Variants in AIDA observed in about 807,000 individuals in gnomAD.
AIDA encodes the protein axin interactor, dorsalization associated.
In AIDA, 18 loss-of-function variants were observed where a neutral mutation model predicts 42.7. The observed-to-expected ratio is 0.42, with a 90% CI of 0.29 to 0.63. The LOEUF is 0.63. AIDA is among the 20% of genes least tolerant of loss of function. The pLI, the probability that AIDA is intolerant of heterozygous loss-of-function variation, is 0.19. For missense variants in AIDA, 250 were observed against 354.1 expected (o/e 0.71, Z 2.36); for synonymous variants, 104 against 122.9 (o/e 0.85, Z 1.02).
At chr1:222,689,074 T>TA (rs924880046) in intron 4 of AIDA, among the ~76,000 whole-genome samples, 3 of 151,390 alleles carry the variant, frequency 2.0e-5, no homozygotes, top group Non-Finnish European at 2.9e-5. Flanking sequence ...TCTTAGTTGT[T>TA]AAAAAAAAGT....
chr1:222,680,787 A>G (rs1055728026), intron 6 of AIDA, among the ~76,000 whole-genome samples: 2 of 152,010 alleles, frequency 1.3e-5, no homozygotes, highest in Non-Finnish European at 2.9e-5. Flanking sequence ...TTTCTAAAGT[A>G]ATGTTCACTT....
At chr1:222,710,608 T>C (rs1655973418) in intron 1 of AIDA, among the ~76,000 whole-genome samples, 2 of 152,242 alleles carry the variant, frequency 1.3e-5, no homozygotes, top group South Asian at 2.1e-4. Context: ...GGCTACAGTA[T>C]GGAAGGGTGT....
At chr1:222,687,464 C>T in intron 5 of AIDA, 131 bp downstream of exon 5, 2 of 772,440 alleles carry the variant, frequency 2.6e-6, no homozygotes, top group South Asian at 2.1e-5. Context: ...AAATAAAATG[C>T]TGATATACTG....
At chr1:222,686,332 G>C (rs1189202292) in intron 6 of AIDA, among the ~76,000 whole-genome samples, 5 of 152,184 alleles carry the variant, frequency 3.3e-5, no homozygotes, top group African/African-American at 1.2e-4. Context: ...GATAAGAATG[G>C]TCACTGTGCC....
intron 4 of AIDA, among the ~76,000 whole-genome samples, chr1:222,691,236 G>A (rs1009021377): frequency 1.2e-4 from 19 of 152,140 alleles, no homozygotes; most frequent in African/African-American, 4.1e-4. Context: ...CAAAGGCTCT[G>A]AGGCAGAAAC....
intron 6 of AIDA, among the ~76,000 whole-genome samples, chr1:222,685,204 G>A (rs1383164585): frequency 1.3e-5 from 2 of 152,174 alleles, no homozygotes; most frequent in Non-Finnish European, 2.9e-5. Flanking sequence ...GATGACAAGC[G>A]TAACAGCCAC....
At chr1:222,692,415 C>T (rs1655396936) in intron 4 of AIDA, among the ~76,000 whole-genome samples, 2 of 152,180 alleles carry the variant, frequency 1.3e-5, no homozygotes, top group South Asian at 2.1e-4. Flanking sequence ...CTAGAAATGA[C>T]ACACACACAA....
intron 6 of AIDA, among the ~76,000 whole-genome samples, chr1:222,682,981 G>A (rs991940834): frequency 3.3e-5 from 5 of 152,118 alleles, no homozygotes; most frequent in Non-Finnish European, 5.9e-5. Context: ...GATAGAAATC[G>A]TTGTAAAATA....
At chr1:222,675,357 A>G (rs964000703) in intron 7 of AIDA, among the ~76,000 whole-genome samples, 1 of 152,238 alleles carries the variant, frequency 6.6e-6, no homozygotes, top group African/African-American at 2.4e-5. Flanking sequence ...ACTGTATAAA[A>G]TGTTTGGCAA....
chr1:222,678,233 G>C (rs1261451298), intron 6 of AIDA, among the ~76,000 whole-genome samples: 2 of 145,422 alleles, frequency 1.4e-5, no homozygotes, highest in Non-Finnish European at 3.0e-5. Flanking sequence ...GTGTGTGTGT[G>C]TGTACTATCT....
chr1:222,679,340 T>G (rs900519051), intron 6 of AIDA, among the ~76,000 whole-genome samples: 1 of 150,330 alleles, frequency 6.7e-6, no homozygotes, highest in Non-Finnish European at 1.5e-5. Flanking sequence ...TTTATAAAAC[T>G]TGAAGACTGT....
rs1316601594 is a variant in AIDA, at chr1:222,689,483, A to ATGTGTG, written c.290-1826_290-1825insCACACA. On this transcript the variant is annotated intron_variant, in intron 4 of 9. Coordinates refer to ENST00000340020, the MANE Select transcript of AIDA (RefSeq NM_022831.4). ...AGAAAATATGTATGTGTGTGTGTGT[A>ATGTGTG]TATATATATATATATATATATATAT... Among the ~76,000 whole-genome samples, 65 of 28,856 alleles carry ATGTGTG rather than the reference A, an allele frequency of 2.3e-3. 1 individual carries two copies. The highest frequency in any genetic ancestry group is 5.9e-3 in the African/African-American group (63 of 10,698). 18.9% of individuals were successfully genotyped at this position (28,856 alleles called of 152,430 possible).
chr1:222,710,848 G>A (rs1392488147), intron 1 of AIDA, among the ~76,000 whole-genome samples: 1 of 152,166 alleles, frequency 6.6e-6, no homozygotes, highest in Non-Finnish European at 1.5e-5. Flanking sequence ...TATTGCAAGA[G>A]CAAATGAAAT....
At chr1:222,708,475 C>T (rs1052054950) in intron 1 of AIDA, among the ~76,000 whole-genome samples, 7 of 151,858 alleles carry the variant, frequency 4.6e-5, no homozygotes, top group Non-Finnish European at 7.4e-5. Flanking sequence ...TCGAGCGATT[C>T]TTGTGCCTCA....
rs557008903 is a variant in AIDA at position 222,676,931 on chromosome 1, A to C, written c.461-713T>G. Among the ~76,000 whole-genome samples the C allele has an allele frequency of 4.5e-3, 686 of 151,416 alleles. 4 individuals are homozygous for C. The highest frequency in any genetic ancestry group is 7.3e-3 in the Non-Finnish European group (493 of 67,642). ...CACTGAAGCAAAAAAACCACAAAAA[A>C]AAACAAACAAAAAAAAACCCATCCG... On this transcript the variant is annotated intron_variant, in intron 6 of 9. Coordinates refer to ENST00000340020, the MANE Select transcript of AIDA (RefSeq NM_022831.4).
chr1:222,709,682 G>GA (rs201552954), intron 1 of AIDA, among the ~76,000 whole-genome samples: 1 of 151,684 alleles, frequency 6.6e-6, no homozygotes, highest in South Asian at 2.1e-4. Context: ...AAGTGCCCCA[G>GA]AAAAAAAATA....
chr1:222,687,360 G>A (rs182353031), intron 5 of AIDA, among the ~76,000 whole-genome samples: 1 of 152,258 alleles, frequency 6.6e-6, no homozygotes, highest in Admixed American at 6.5e-5. Flanking sequence ...GAACCCAGGA[G>A]GCGGAGGTTG....
At chr1:222,711,879 T>C (rs1032693193) in intron 1 of AIDA, 1 of 273,924 alleles carries the variant, frequency 3.7e-6, no homozygotes, top group Non-Finnish European at 7.1e-6. Context: ...GGAAACTGAC[T>C]GCCAAGTGGG....
intron 6 of AIDA, among the ~76,000 whole-genome samples, chr1:222,680,442 G>C (rs893252601): frequency 6.6e-6 from 1 of 152,128 alleles, no homozygotes; most frequent in Non-Finnish European, 1.5e-5. Context: ...CTAAAGAAGA[G>C]GTATGAGCTA....
Sources: gnomAD v4.1 joint callset for allele counts (sites outside exome capture counted in the v4.1 genomes callset) on GRCh38, gnomAD v4.1.1 for gene constraint, MANE v1.5 for transcripts, NCBI Gene and HGNC (gene_info 2026-07-23, HGNC 2026-07-21) for gene names.